Variants in GABRB1 observed in about 807,000 individuals in gnomAD.
The protein encoded by GABRB1 is gamma-aminobutyric acid receptor subunit beta-1.
Under a neutral mutation model 51.6 loss-of-function variants are expected in GABRB1, and 17 were observed. The ratio of observed to expected loss-of-function variants is 0.33; its 90% CI spans 0.23 to 0.49. The LOEUF (loss-of-function observed/expected upper bound fraction) is 0.49. GABRB1 is among the 20% of genes least tolerant of loss of function. The pLI is 0.99. For synonymous variants in GABRB1, 247 were observed against 218.9 expected (o/e 1.13, Z -1.14); for missense variants, 410 against 600.6 (o/e 0.68, Z 3.32).
chr4:47,278,451 C>A (rs1723162409), intron 4 of GABRB1, among the ~76,000 whole-genome samples: 1 of 152,102 alleles, frequency 6.6e-6, no homozygotes, highest in Admixed American at 6.5e-5. Context: ...ATAAGAAATT[C>A]ATCTTCTTCA....
chr4:47,274,570 C>G (rs1723011325), intron 4 of GABRB1, among the ~76,000 whole-genome samples: 1 of 152,102 alleles, frequency 6.6e-6, no homozygotes, highest in Non-Finnish European at 1.5e-5. Context: ...TCTTCTCTCC[C>G]CACTTGCACA....
chr4:47,341,375 G>A (rs778114557), intron 5 of GABRB1, among the ~76,000 whole-genome samples: 8 of 152,132 alleles, frequency 5.3e-5, no homozygotes, highest in South Asian at 2.1e-4. Context: ...AATCCACAAC[G>A]TTTATATAAC....
chr4:47,335,930 T>A (rs908003661), intron 5 of GABRB1, among the ~76,000 whole-genome samples: 22 of 152,154 alleles, frequency 1.4e-4, no homozygotes, highest in African/African-American at 5.3e-4. Flanking sequence ...AAGATGACAC[T>A]GGACACCAGC....
At chr4:47,335,577 A>G (rs568746710) in intron 5 of GABRB1, among the ~76,000 whole-genome samples, 1 of 152,180 alleles carries the variant, frequency 6.6e-6, no homozygotes, top group African/African-American at 2.4e-5. Flanking sequence ...TTACAATAAA[A>G]CTAAATTTTC....
intron 4 of GABRB1, among the ~76,000 whole-genome samples, chr4:47,227,551 G>T (rs567930251): frequency 1.1e-4 from 16 of 152,222 alleles, no homozygotes; most frequent in Non-Finnish European, 1.6e-4. Flanking sequence ...GGAATTAGCT[G>T]ATCCTACATA....
intron 4 of GABRB1, among the ~76,000 whole-genome samples, chr4:47,248,381 G>T (rs1250526115): frequency 6.6e-6 from 1 of 152,008 alleles, no homozygotes; most frequent in African/African-American, 2.4e-5. Flanking sequence ...ACTTGATCAT[G>T]GTGGATTATC....
intron 3 of GABRB1, among the ~76,000 whole-genome samples, chr4:47,039,505 G>A (rs1030735432): frequency 2.6e-5 from 4 of 151,594 alleles, no homozygotes; most frequent in Admixed American, 6.6e-5. Flanking sequence ...TTTTTGAAAA[G>A]CATATTTTTG....
At chr4:47,197,572 G>A (rs982187477) in intron 4 of GABRB1, among the ~76,000 whole-genome samples, 2 of 152,084 alleles carry the variant, frequency 1.3e-5, no homozygotes, top group African/African-American at 2.4e-5. Context: ...AGCAGCTTCT[G>A]GATTCATAAT....
chr4:47,235,078 T>C (rs550785775), intron 4 of GABRB1, among the ~76,000 whole-genome samples: 3 of 152,298 alleles, frequency 2.0e-5, no homozygotes, highest in African/African-American at 7.2e-5. Flanking sequence ...CCTTCCTTAT[T>C]TCTCCTACCA....
intron 4 of GABRB1, among the ~76,000 whole-genome samples, chr4:47,279,083 AATGGATGG>A (rs34567848): frequency 0.029 from 4,319 of 147,236 alleles, 68 homozygotes; most frequent in African/African-American, 0.05. Flanking sequence ...CTTTCTTAGG[AATGGATGG>A]ATGGATGGAT....
At chr4:47,062,603 A>G (rs925682230) in intron 3 of GABRB1, among the ~76,000 whole-genome samples, 1 of 152,130 alleles carries the variant, frequency 6.6e-6, no homozygotes, top group African/African-American at 2.4e-5. Context: ...AGCAATATTT[A>G]TTTAACTCTT....
At chr4:47,171,302 G>C (rs574963522) in intron 4 of GABRB1, among the ~76,000 whole-genome samples, 2 of 150,980 alleles carry the variant, frequency 1.3e-5, no homozygotes, top group Non-Finnish European at 1.5e-5. Context: ...GATAAAGAAT[G>C]TAAGAAAAAA....
At chr4:47,400,840 T>C (rs920157000) in intron 5 of GABRB1, among the ~76,000 whole-genome samples, 4 of 152,098 alleles carry the variant, frequency 2.6e-5, no homozygotes, top group African/African-American at 9.7e-5. Context: ...TTTCTGTTCC[T>C]GAGTTACTTC....
chr4:47,372,457 C>T (rs181154893), intron 5 of GABRB1, among the ~76,000 whole-genome samples: 8 of 152,288 alleles, frequency 5.3e-5, no homozygotes, highest in South Asian at 2.1e-4. Flanking sequence ...TTAAATCTCC[C>T]TTTCTGATCT....
chr4:47,140,523 A>C (rs1347226116), intron 3 of GABRB1, among the ~76,000 whole-genome samples: 3 of 152,006 alleles, frequency 2.0e-5, no homozygotes, highest in Non-Finnish European at 4.4e-5. Flanking sequence ...TGTCTTGGCA[A>C]TGATCACATT....
At chr4:47,001,963 A>G (rs1365606378) in intron 1 of GABRB1, among the ~76,000 whole-genome samples, 1 of 152,228 alleles carries the variant, frequency 6.6e-6, no homozygotes, top group East Asian at 1.9e-4. Flanking sequence ...TCTTACAACA[A>G]CTTATTGTTT....
chr4:47,066,389 C>T (rs1263866061), intron 3 of GABRB1, among the ~76,000 whole-genome samples: 1 of 152,150 alleles, frequency 6.6e-6, no homozygotes, highest in African/African-American at 2.4e-5. Context: ...GAGATTGACA[C>T]TTTCTTTCAT....
At chr4:47,088,520 T>G (rs1317014144) in intron 3 of GABRB1, among the ~76,000 whole-genome samples, 1 of 152,132 alleles carries the variant, frequency 6.6e-6, no homozygotes, top group East Asian at 1.9e-4. Flanking sequence ...ACAGTCAGGC[T>G]TAGAGTACAA....
chr4:47,295,682 T>C (rs976049995), intron 4 of GABRB1, among the ~76,000 whole-genome samples: 1 of 152,100 alleles, frequency 6.6e-6, no homozygotes, highest in Non-Finnish European at 1.5e-5. Flanking sequence ...AGAAAACACT[T>C]TGCAGGATAT....
Sources: allele counts gnomAD v4.1 joint callset (sites outside exome capture counted in the v4.1 genomes callset), GRCh38; gene constraint gnomAD v4.1.1; transcripts MANE v1.5; gene names NCBI Gene and HGNC (gene_info 2026-07-23, HGNC 2026-07-21).